Variants in BICRAL observed in about 807,000 individuals in gnomAD.
The protein encoded by BICRAL is BICRA like chromatin remodeling complex associated protein, also known as BRD4-interacting chromatin-remodeling complex-associated protein-like.
BICRAL carries 8 observed loss-of-function variants against 91.8 expected under a neutral mutation model. That is an observed-to-expected ratio of 0.09 (90% CI 0.05 to 0.16). The LOEUF (loss-of-function observed/expected upper bound fraction) is 0.16, where lower values mean the gene tolerates loss of function less well. BICRAL is among the 10% of genes least tolerant of loss of function. BICRAL has a pLI of 1.00. For synonymous variants in BICRAL, 445 were observed against 491.1 expected, an observed-to-expected ratio of 0.91 and a Z score of 1.24; for missense variants, 1,038 against 1,310.9, an observed-to-expected ratio of 0.79 and a Z score of 3.21.
Position 42,862,681 on chromosome 6 carries a change from AGTCT to A in BICRAL, c.2452+75_2452+78del, listed in dbSNP as rs553293237. The A allele has an allele frequency of 3.5e-4, 326 of 933,364 alleles. 1 individual carries two copies. The African/African-American group carries it at 4.5e-3, about 13-fold the overall frequency. The allele number at this position is 933,364 out of a possible 1,614,324, so 57.8% of individuals were successfully genotyped here. ...GTTCAGGGACCATGGGGCCTTTGGC[AGTCT>A]GTCTGAACTTTGGGTAAGAAACTTG... On this transcript the variant is annotated intron_variant, in intron 12 of 12. Coordinates refer to ENST00000314073, the MANE Select transcript of BICRAL (RefSeq NM_001393499.1).
At chr6:42,799,138 C>T (rs1175299140) in intron 1 of BICRAL, among the ~76,000 whole-genome samples, 1 of 152,108 alleles carries the variant, frequency 6.6e-6, no homozygotes, top group Non-Finnish European at 1.5e-5. Flanking sequence ...AACTCCTGAG[C>T]TCAAATGAAC....
At chr6:42,777,264 C>T (rs540392064), upstream of BICRAL, among the ~76,000 whole-genome samples, 5 of 152,252 alleles carry the variant, frequency 3.3e-5, no homozygotes, top group South Asian at 8.3e-4. Flanking sequence ...ACACTAGTTC[C>T]TGAACGCTTA....
rs150514909 is a variant in BICRAL at position 42,849,730 on chromosome 6, C to T, written c.1840-2362C>T. Among the ~76,000 whole-genome samples the T allele has an allele frequency of 4.2e-3, 642 of 151,986 alleles. 5 individuals are homozygous for T. Among genetic ancestry groups the T allele is most frequent in the African/African-American group, 0.015 (609 of 41,526 alleles). On this transcript the variant is annotated intron_variant, in intron 6 of 12. Transcript: ENST00000314073. ...CTGGGATTACAGGCATGAGCCACTGCGCCCGGCCTAGAACAGAAATGTTAA... is the reference window on the plus strand; with the variant it reads ...CTGGGATTACAGGCATGAGCCACTGTGCCCGGCCTAGAACAGAAATGTTAA...
chr6:42,846,213 A>G (rs13196627), intron 6 of BICRAL, among the ~76,000 whole-genome samples: 43,788 of 151,322 alleles, frequency 0.29, 6,952 homozygotes, highest in South Asian at 0.47. Context: ...CATCTCTACT[A>G]AAAATACAAA....
chr6:42,789,651 A>AG (rs1207009220), intron 1 of BICRAL, among the ~76,000 whole-genome samples: 1 of 152,114 alleles, frequency 6.6e-6, no homozygotes, highest in East Asian at 1.9e-4. Flanking sequence ...AAAAAAAAAA[A>AG]AAAAAGAATG....
intron 6 of BICRAL, among the ~76,000 whole-genome samples, chr6:42,838,124 C>A (rs1012176650): frequency 2.0e-5 from 3 of 152,018 alleles, no homozygotes; most frequent in African/African-American, 7.3e-5. Flanking sequence ...ACTTTTTATC[C>A]CTAAATACTT....
rs1427366445 is a variant in BICRAL at position 42,814,430 on chromosome 6, C to T, written c.-6+4029C>T. 7.2e-5 allele frequency among the ~76,000 whole-genome samples: 10 copies of T among 139,054 alleles called. No homozygotes were observed. In the East Asian group the frequency reaches 1.2e-3, roughly 17 times the overall value. The allele number at this position is 139,054 out of a possible 152,430, so 91.2% of individuals were successfully genotyped here. A position where few individuals can be genotyped will look rare whatever the true frequency, so the allele number is the denominator to read the frequency against. The stretch of plus-strand genomic sequence containing the variant: ...ACACATGTATACATACATATATATA[C>T]ACATACATGTATGTATATGTATATA... On this transcript the variant is annotated intron_variant, in intron 2 of 12. Transcript: ENST00000314073.
chr6:42,834,509 C>G (rs1404540472), intron 6 of BICRAL, among the ~76,000 whole-genome samples: 1 of 152,138 alleles, frequency 6.6e-6, no homozygotes, highest in African/African-American at 2.4e-5. Flanking sequence ...CTTTCTAATT[C>G]CTTCATTTGT....
chr6:42,794,865 A>G (rs9369387), intron 1 of BICRAL, among the ~76,000 whole-genome samples: 71,153 of 149,778 alleles, frequency 0.48, 18,525 homozygotes, highest in African/African-American at 0.7. Flanking sequence ...GGAGGCTGAG[A>G]CAGGAGGATT....
chr6:42,799,461 G>T (rs1364925066), intron 1 of BICRAL, among the ~76,000 whole-genome samples: 3 of 151,654 alleles, frequency 2.0e-5, no homozygotes, highest in African/African-American at 7.3e-5. Flanking sequence ...CGCCCGGCTA[G>T]TTTTTTGTAT....
In BICRAL at chr6:42,828,483, A is replaced by AT; in HGVS notation, c.160-3dup. ...ACATATGCCATGTAACATACTGTTT[A>AT]TTTTTTTAGAATGCTGATCCTAAGT... On this transcript the variant is annotated splice_polypyrimidine_tract_variant and intron_variant, in intron 5 of 12. Transcript: ENST00000314073. 6.3e-7 allele frequency: 1 copy of AT among 1,598,952 alleles called. No individual in the cohort carries two copies. The highest frequency in any genetic ancestry group is 8.5e-7 in the Non-Finnish European group (1 of 1,173,550).
In BICRAL at chr6:42,829,023, C is replaced by G; in HGVS notation, c.690C>G (p.Asn230Lys). The G allele has an allele frequency of 6.2e-7, 1 of 1,613,760 alleles. No homozygotes were observed. The highest frequency in any genetic ancestry group is 8.5e-7 in the Non-Finnish European group (1 of 1,179,710). ...ATCCTTCCATGATGACTATTAATAA[C>G]CTAGATGGATCTCAAATCATATTAA... Reference protein sequence around the residue: ...GNHPSMMTINNLDGSQIILKG... With the variant: ...GNHPSMMTINKLDGSQIILKG... Residue 230 changes from asparagine to lysine, a missense_variant, in exon 6 of 13, where the codon AAC becomes AAG. Transcript: ENST00000314073.
At chr6:42,755,670 T>A (rs1445301285) in intron 1 of BICRAL, among the ~76,000 whole-genome samples, 2 of 150,576 alleles carry the variant, frequency 1.3e-5, no homozygotes, top group Admixed American at 1.3e-4. Context: ...GTCACCTCTT[T>A]CTTTTTTTTT....
intron 1 of BICRAL, among the ~76,000 whole-genome samples, chr6:42,774,849 G>A (rs1041450395): frequency 3.4e-5 from 5 of 149,252 alleles, no homozygotes; most frequent in African/African-American, 1.2e-4. Context: ...TTTCTTTATT[G>A]TCAAGGATAT....
Position 42,829,433 on chromosome 6 carries a change from A to G in BICRAL, c.1100A>G (p.Gln367Arg). The G allele has an allele frequency of 6.2e-7, 1 of 1,614,238 alleles. No homozygotes were observed. The highest frequency in any genetic ancestry group is 1.7e-5 in the Admixed American group (1 of 60,032). ...ATGTCTGTGAACATTGTAAACCAAC[A>G]GAACACAAGAAAGCCAGTCACCTCA... ...PHMSVNIVNQQNTRKPVTSQA... is the reference protein window; with the variant it reads ...PHMSVNIVNQRNTRKPVTSQA... The change falls in exon 6 of 13, where the codon CAG (glutamine) becomes CGG (arginine). Residue 367 changes from glutamine to arginine, a missense_variant. By Grantham distance (43) the Gln-to-Arg change is conservative (BLOSUM62 1). Around this residue, in one of 5 missense-constraint regions of BICRAL, gnomAD observed 532 missense variants for 724.9 expected, o/e 0.73. Transcript: ENST00000314073.
At chr6:42,838,210 C>T (rs1328654176) in intron 6 of BICRAL, among the ~76,000 whole-genome samples, 1 of 152,118 alleles carries the variant, frequency 6.6e-6, no homozygotes, top group East Asian at 1.9e-4. Flanking sequence ...TAATAACGCC[C>T]TTTACAAAAA....
At chr6:42,782,007 CCG>C (rs750946762), upstream of BICRAL, 146,274 of 146,920 alleles carry the variant, frequency 1, 72,827 homozygotes, top group South Asian at 1. Context: ...CTCCCGCGCT[CCG>C]GCCCCCGGCC....
chr6:42,825,380 C>T (rs1307384895), intron 5 of BICRAL, among the ~76,000 whole-genome samples: 3 of 150,154 alleles, frequency 2.0e-5, no homozygotes, highest in Non-Finnish European at 4.4e-5. Flanking sequence ...CTGGCTAACA[C>T]GGTGAAACCC....
At chr6:42,746,912 G>A (rs1762285483), upstream of BICRAL, 1 of 145,010 alleles carries the variant, frequency 6.9e-6, no homozygotes, top group African/African-American at 2.6e-5. Context: ...CAGTCGGAGG[G>A]GTGGGGGCGG....
Sources: gnomAD v4.1 joint callset for allele counts (sites outside exome capture counted in the v4.1 genomes callset) on GRCh38, gnomAD v4.1.1 for gene constraint, gnomAD v4.1.1 regional missense constraint, MANE v1.5 for transcripts, NCBI Gene and HGNC (gene_info 2026-07-23, HGNC 2026-07-21) for gene names.